The following CLEC4A variants were observed in gnomAD, a reference collection of about 807,000 sequenced individuals.
CLEC4A encodes the protein C-type lectin domain family 4 member A, also known as C-type (calcium dependent, carbohydrate-recognition domain) lectin, superfamily member 6.
In CLEC4A, 27 loss-of-function variants were observed where a neutral mutation model predicts 32.7. The observed-to-expected ratio is 0.83, with a 90% CI of 0.61 to 1.14. The LOEUF (loss-of-function observed/expected upper bound fraction) is 1.14, where lower values mean the gene tolerates loss of function less well. Ranked by LOEUF, CLEC4A falls within the 50% of genes most tolerant of loss-of-function variation. The pLI is 0.00. For missense variants in CLEC4A, 253 were observed against 274.6 expected (o/e 0.92, Z 0.55); for synonymous variants, 89 against 93.7 (o/e 0.95, Z 0.29).
chr12:8,135,047 CTTTTT>C (rs1187858911), intron 3 of CLEC4A, among the ~76,000 whole-genome samples: 2 of 9,028 alleles, frequency 2.2e-4, no homozygotes, highest in African/African-American at 3.1e-4. Context: ...ATTTTATTAT[CTTTTT>C]TTTTTTTTTT....
At position 8,129,032 on chromosome 12, in the gene CLEC4A, T is replaced by C. The variant is rs189100663; in HGVS notation, c.200-232T>C. 3.3e-5 allele frequency among the ~76,000 whole-genome samples: 5 copies of C among 152,056 alleles called. No homozygotes were observed. The East Asian group carries it at 9.7e-4, about 29-fold the overall frequency. ...TCTTATATTAAGTATTGAAGGAGAA[T>C]GTGGAGTCCCTTTAGATCCATTATG... On this transcript the variant is annotated intron_variant, in intron 2 of 5. Transcript: ENST00000229332.
At chr12:8,134,840 G>A (rs1948067350) in intron 3 of CLEC4A, 1 of 1,544,804 alleles carries the variant, frequency 6.5e-7, no homozygotes, top group South Asian at 1.2e-5. Context: ...CCGAAGCCAG[G>A]TGTCCCGCCA....
chr12:8,137,852 A>G (rs1377730446), intron 5 of CLEC4A, among the ~76,000 whole-genome samples: 2 of 152,246 alleles, frequency 1.3e-5, no homozygotes, highest in Admixed American at 6.5e-5. Context: ...ATGGACCCAT[A>G]GGAACAGGAC....
chr12:8,116,633 A>G, the CLEC4A span, among the ~76,000 whole-genome samples: 1 of 152,216 alleles, frequency 6.6e-6, no homozygotes, highest in Non-Finnish European at 1.5e-5. Flanking sequence ...TTGTGATTTC[A>G]TTATAGATGC....
intron 3 of CLEC4A, chr12:8,134,154 G>T: frequency 6.2e-7 from 1 of 1,607,608 alleles, no homozygotes; most frequent in Non-Finnish European, 8.5e-7. Flanking sequence ...ATACTGGTTC[G>T]CTTTCTCTTT....
At chr12:8,131,067 G>C (rs1947988331) in intron 3 of CLEC4A, among the ~76,000 whole-genome samples, 1 of 152,154 alleles carries the variant, frequency 6.6e-6, no homozygotes, top group Non-Finnish European at 1.5e-5. Flanking sequence ...ATCAGAATTT[G>C]TCTGATGTTT....
intron 2 of CLEC4A, among the ~76,000 whole-genome samples, chr12:8,128,330 T>C (rs1022581669): frequency 2.0e-5 from 3 of 151,556 alleles, no homozygotes; most frequent in African/African-American, 7.3e-5. Flanking sequence ...ATGGTTTTAG[T>C]GAAATAGTGG....
chr12:8,129,433 T>C, intron 3 of CLEC4A, 71 bp downstream of exon 3: 2 of 1,003,066 alleles, frequency 2.0e-6, no homozygotes, highest in South Asian at 1.4e-5. Flanking sequence ...ATATTTCCAG[T>C]AAGATTCCCA....
At chr12:8,128,260 G>GA (rs890137130) in intron 2 of CLEC4A, among the ~76,000 whole-genome samples, 4 of 152,110 alleles carry the variant, frequency 2.6e-5, no homozygotes, top group Admixed American at 6.5e-5. Context: ...AGCCTTTAAG[G>GA]AAGTCAAATA....
At chr12:8,110,432 T>G in the CLEC4A span, among the ~76,000 whole-genome samples, 155 of 152,316 alleles carry the variant, frequency 1.0e-3, no homozygotes, top group African/African-American at 3.5e-3. Flanking sequence ...TGTGTTAATA[T>G]TCCAGCCAGA....
chr12:8,134,975 T>TTTTTTTTGTTTG, intron 3 of CLEC4A: 1 of 304,558 alleles, frequency 3.3e-6, no homozygotes, highest in Non-Finnish European at 5.0e-6. Context: ...GTTGAAGCGT[T>TTTTTTTTGTTTG]TTTGTTTTTT....
chr12:8,119,895 T>C (rs1161329818), upstream of CLEC4A, among the ~76,000 whole-genome samples: 1 of 152,200 alleles, frequency 6.6e-6, no homozygotes. Context: ...GGGTTTCCCA[T>C]GATCCCTTCA....
upstream of CLEC4A, among the ~76,000 whole-genome samples, chr12:8,118,707 C>T (rs4242876): frequency 0.85 from 129,562 of 152,238 alleles, 58,262 homozygotes; most frequent in Non-Finnish European, 0.99. Context: ...GGCCCACCTC[C>T]AACACTGAGG....
In CLEC4A at chr12:8,137,516, A is replaced by C. The variant is rs998620589; in HGVS notation, c.566+613A>C. Among the ~76,000 whole-genome samples, 7 of 152,212 alleles carry C rather than the reference A, an allele frequency of 4.6e-5. No homozygotes were observed. In the East Asian group the frequency reaches 1.3e-3, roughly 29 times the overall value. On this transcript the variant is annotated intron_variant, in intron 5 of 5. Transcript: ENST00000229332. ...ATAATCTTATATCTCATATTTATGT[A>C]ATTCTTTAATTGCATAAATTACATA...
At chr12:8,131,909 T>G (rs1416323103) in intron 3 of CLEC4A, among the ~76,000 whole-genome samples, 1 of 151,968 alleles carries the variant, frequency 6.6e-6, no homozygotes, top group African/African-American at 2.4e-5. Context: ...AAATGTGTGC[T>G]ATGGTGGTTT....
the CLEC4A span, among the ~76,000 whole-genome samples, chr12:8,103,373 G>GTTTTTTTTTTTTTTTTTTTTT: frequency 4.9e-4 from 38 of 78,020 alleles, 5 homozygotes; most frequent in African/African-American, 1.4e-3. Flanking sequence ...GTTTCTTTCT[G>GTTTTTTTTTTTTTTTTTTTTT]TTGTTTTTTT....
At chr12:8,134,199 C>T (rs1948050585) in intron 3 of CLEC4A, 1 of 1,610,830 alleles carries the variant, frequency 6.2e-7, no homozygotes, top group Non-Finnish European at 8.5e-7. Context: ...TTGCATATCT[C>T]CTGAAGATTT....
At chr12:8,118,627 C>T (rs796208510), upstream of CLEC4A, among the ~76,000 whole-genome samples, 75 of 152,188 alleles carry the variant, frequency 4.9e-4, 1 homozygote, top group African/African-American at 1.6e-3. Context: ...CCAGATCTCA[C>T]GAGAACTCAC....
At chr12:8,134,965 G>A in intron 3 of CLEC4A, 3 of 298,972 alleles carry the variant, frequency 1.0e-5, no homozygotes, top group Non-Finnish European at 1.3e-5. Flanking sequence ...GTATCTTCTT[G>A]TTGAAGCGTT....
Sources: allele counts gnomAD v4.1 joint callset (sites outside exome capture counted in the v4.1 genomes callset), GRCh38; gene constraint gnomAD v4.1.1; transcripts MANE v1.5; gene names NCBI Gene and HGNC (gene_info 2026-07-23, HGNC 2026-07-21).